The following HIVEP3 variants were observed in gnomAD, a reference collection of about 807,000 sequenced individuals.
HIVEP3 encodes the protein transcription factor HIVEP3.
In HIVEP3, 49 loss-of-function variants were observed where a neutral mutation model predicts 152.8. The observed-to-expected ratio is 0.32, with a 90% CI of 0.26 to 0.41. The LOEUF is 0.41. Among genes scored for constraint, HIVEP3 ranks in the 10% least tolerant of loss-of-function variants. The pLI is 1.00. For synonymous variants in HIVEP3, 1,269 were observed against 1,289.0 expected, an observed-to-expected ratio of 0.98 and a Z score of 0.33; for missense variants, 2,790 against 3,103.3, an observed-to-expected ratio of 0.90 and a Z score of 2.40.
intron 5 of HIVEP3, among the ~76,000 whole-genome samples, chr1:41,560,612 C>A (rs907153565): frequency 1.3e-5 from 2 of 152,200 alleles, no homozygotes; most frequent in African/African-American, 2.4e-5. Context: ...CACAGAGGAC[C>A]TCATTGCCTC....
chr1:41,675,741 G>A lies in HIVEP3; in HGVS notation c.-721+25175C>T, dbSNP rs554351697. On this transcript the variant is annotated intron_variant, in intron 2 of 8. Transcript: ENST00000372583. ...AGACCAGGAGAGTTTACCACTCATC[G>A]TGAATTCCCTGCACCTGGCATAGAA... 8.6e-4 allele frequency among the ~76,000 whole-genome samples: 131 copies of A among 152,300 alleles called. 1 individual carries two copies. The South Asian group carries it at 0.025, about 29-fold the overall frequency.
intron 3 of HIVEP3, among the ~76,000 whole-genome samples, chr1:41,605,110 A>G (rs1644799963): frequency 2.2e-5 from 1 of 45,866 alleles, no homozygotes. Context: ...GTCTCCAATA[A>G]AAAAAAAAAA....
At chr1:41,847,459 T>C (rs2124377316) in intron 1 of HIVEP3, 1 of 152,380 alleles carries the variant, frequency 6.6e-6, no homozygotes, top group South Asian at 2.1e-4. Flanking sequence ...ATTATATATG[T>C]ATGATACTAT....
chr1:41,767,338 C>T (rs970531196), intron 1 of HIVEP3, among the ~76,000 whole-genome samples: 1 of 152,220 alleles, frequency 6.6e-6, no homozygotes, highest in African/African-American at 2.4e-5. Context: ...CTCCCCCAAC[C>T]GCTAGAGCTC....
At position 41,518,391 on chromosome 1, in the gene HIVEP3, G is replaced by T. The variant is rs79397277; in HGVS notation, c.5470+11C>A. 61 of 1,610,652 alleles carry T rather than the reference G, an allele frequency of 3.8e-5. No homozygotes were observed. The African/African-American group carries it at 8.0e-4, about 21-fold the overall frequency. ...AGGGGAAAGGGGACGGAGAAGGTTG[G>T]CAATTGTTACCTTCTTCGGCTTCCA... On this transcript the variant is annotated intron_variant, in intron 7 of 8. Transcript: ENST00000372583.
chr1:41,897,540 C>A (rs1644549110), intron 1 of HIVEP3, among the ~76,000 whole-genome samples: 1 of 152,164 alleles, frequency 6.6e-6, no homozygotes, highest in Non-Finnish European at 1.5e-5. Context: ...GGTGCCTTGA[C>A]CTTGGACTGC....
intron 1 of HIVEP3, among the ~76,000 whole-genome samples, chr1:41,886,360 CA>C (rs1486340820): frequency 1.3e-5 from 2 of 152,084 alleles, no homozygotes; most frequent in Admixed American, 6.5e-5. Flanking sequence ...CTTTGAGACT[CA>C]AAGGTGCAAT....
intron 5 of HIVEP3, among the ~76,000 whole-genome samples, chr1:41,574,796 C>T (rs968480286): frequency 2.6e-5 from 4 of 152,192 alleles, no homozygotes; most frequent in Admixed American, 6.5e-5. Context: ...CGCCATGGGA[C>T]CTGCTCACAG....
intron 5 of HIVEP3, chr1:41,542,745 C>G (rs1643562913): frequency 6.5e-6 from 1 of 153,740 alleles, no homozygotes. Flanking sequence ...ATTTCAGCTT[C>G]CAAACTTTGA....
Position 41,570,146 on chromosome 1 carries a change from G to C in HIVEP3, c.5207+5398C>G, listed in dbSNP as rs370648413. Among the ~76,000 whole-genome samples the C allele has an allele frequency of 4.6e-5, 7 of 152,184 alleles. No homozygotes were observed. The South Asian group carries it at 1.2e-3, about 27-fold the overall frequency. On this transcript the variant is annotated intron_variant, in intron 5 of 8. Transcript: ENST00000372583. ...CGTTGGGACTGAGTTTAGAGGAAGA[G>C]CACGGAGCCTGGGGCTGGGCCATGT... is the stretch of plus-strand genomic sequence containing the variant.
In HIVEP3 at chr1:41,949,468, T is replaced by C. The variant is rs112995647; in HGVS notation, n.120-30944A>G. Among the ~76,000 whole-genome samples the C allele has an allele frequency of 8.3e-3, 1,265 of 152,354 alleles. 19 individuals are homozygous for C. The highest frequency in any genetic ancestry group is 0.029 in the African/African-American group (1,214 of 41,574). On this transcript the variant is annotated intron_variant and non_coding_transcript_variant, in intron 1 of 3. Transcript: ENST00000489103. ...TTCAAAATCGAAGAGCTTTAGACTT[T>C]AGGCTAATCGCCAAAAGAGGGGGAA...
intron 2 of HIVEP3, among the ~76,000 whole-genome samples, chr1:41,657,505 C>A (rs1009889436): frequency 6.6e-6 from 1 of 152,204 alleles, no homozygotes; most frequent in African/African-American, 2.4e-5. Context: ...GTGTTTGGGG[C>A]AAATTGGTCT....
intron 1 of HIVEP3, among the ~76,000 whole-genome samples, chr1:41,799,264 A>G (rs1366634165): frequency 6.6e-6 from 1 of 152,100 alleles, no homozygotes; most frequent in Non-Finnish European, 1.5e-5. Context: ...GAGCCCTTCC[A>G]TTGTCTGCTG....
intron 1 of HIVEP3, among the ~76,000 whole-genome samples, chr1:41,897,858 G>A (rs1644554995): frequency 6.6e-6 from 1 of 152,070 alleles, no homozygotes; most frequent in African/African-American, 2.4e-5. Flanking sequence ...CTCTTAGGGA[G>A]AGGAGATGCT....
At chr1:41,773,582 C>T (rs1441195718) in intron 1 of HIVEP3, among the ~76,000 whole-genome samples, 2 of 152,364 alleles carry the variant, frequency 1.3e-5, no homozygotes, top group East Asian at 3.9e-4. Context: ...GGCACACATC[C>T]ACTTCAGCCA....
intron 2 of HIVEP3, among the ~76,000 whole-genome samples, chr1:41,647,716 C>T (rs920089014): frequency 6.6e-6 from 1 of 152,248 alleles, no homozygotes; most frequent in African/African-American, 2.4e-5. Flanking sequence ...CTGTAGTGAG[C>T]TTGGAGTCTC....
At chr1:41,587,405 C>A (rs1037205553) in intron 3 of HIVEP3, among the ~76,000 whole-genome samples, 25 of 152,182 alleles carry the variant, frequency 1.6e-4, no homozygotes, top group Admixed American at 1.4e-3. Context: ...ACATCTCAGT[C>A]AACAGGGTGG....
At chr1:42,015,409 C>T (rs1645516351) in intron 1 of HIVEP3, among the ~76,000 whole-genome samples, 1 of 152,180 alleles carries the variant, frequency 6.6e-6, no homozygotes, top group Non-Finnish European at 1.5e-5. Flanking sequence ...CATGGGTTTC[C>T]TCTGCTCTCT....
intron 1 of HIVEP3, among the ~76,000 whole-genome samples, chr1:41,990,240 A>C (rs1234369349): frequency 2.4e-4 from 31 of 131,180 alleles, no homozygotes; most frequent in African/African-American, 9.0e-4. Flanking sequence ...AAGAATGTTG[A>C]ATATTGGCCC....
Sources: gnomAD v4.1 joint callset for allele counts (sites outside exome capture counted in the v4.1 genomes callset) on GRCh38, gnomAD v4.1.1 for gene constraint, MANE v1.5 for transcripts, NCBI Gene and HGNC (gene_info 2026-07-23, HGNC 2026-07-21) for gene names.